The following IHO1 variants were observed in gnomAD, a reference collection of about 807,000 sequenced individuals.
IHO1 encodes the protein interactor of HORMAD1 protein 1.
IHO1 carries 13 observed loss-of-function variants against 31.0 expected under a neutral mutation model. That is an observed-to-expected ratio of 0.42 (90% confidence interval 0.27 to 0.67). IHO1 has a LOEUF of 0.67. Ranked by LOEUF, IHO1 falls within the 30% of genes least tolerant of loss-of-function variation. IHO1 has a pLI of 0.24. For synonymous variants in IHO1, 221 were observed against 248.4 expected (o/e 0.89, Z 1.04); for missense variants, 599 against 687.5 (o/e 0.87, Z 1.44).
chr3:49,250,800 G>A (rs894910179), intron 6 of IHO1, among the ~76,000 whole-genome samples: 1 of 152,100 alleles, frequency 6.6e-6, no homozygotes, highest in Non-Finnish European at 1.5e-5. Context: ...GGGAGGCCGA[G>A]GCGGGCAGAT....
At chr3:49,222,404 C>G (rs2046364464) in intron 2 of IHO1, among the ~76,000 whole-genome samples, 2 of 151,876 alleles carry the variant, frequency 1.3e-5, no homozygotes, top group Non-Finnish European at 2.9e-5. Flanking sequence ...GATAGATAGG[C>G]AAAGAGTAAA....
chr3:49,219,855 T>G (rs1026143630), intron 2 of IHO1, among the ~76,000 whole-genome samples: 2 of 152,128 alleles, frequency 1.3e-5, no homozygotes, highest in African/African-American at 2.4e-5. Context: ...ATACTAATGA[T>G]GAGGAGGAAG....
At chr3:49,205,675 A>T (rs2046126885) in intron 1 of IHO1, among the ~76,000 whole-genome samples, 1 of 148,704 alleles carries the variant, frequency 6.7e-6, no homozygotes, top group African/African-American at 2.5e-5. Context: ...ATCTCAGCTC[A>T]TTGCAGCCTC....
intron 2 of IHO1, among the ~76,000 whole-genome samples, chr3:49,231,574 CAATT>C (rs1200958354): frequency 2.0e-5 from 3 of 152,194 alleles, no homozygotes. Flanking sequence ...TCATTCCACA[CAATT>C]AATTGAAAAT....
Position 49,257,190 on chromosome 3 carries a change from C to T in IHO1, c.1693C>T (p.Leu565Phe). Residue 565 changes from leucine (L) to phenylalanine (F), a missense_variant, in exon 8 of 8, where the codon CTC becomes TTC. Coordinates refer to ENST00000452691, the MANE Select transcript of IHO1 (RefSeq NM_001135197.2). ...GATGAGCTGGTTCAGTGACCTCAAT[C>T]TCGGATGTTCAGAGACCCCTCTATG... ...HQMSWFSDLN[L>F]GCSETPLCKE... is the part of the protein sequence containing the mutation. The T allele has an allele frequency of 3.1e-6, 5 of 1,614,232 alleles. No homozygotes were observed. Among genetic ancestry groups the T allele is most frequent in the Non-Finnish European group, 4.2e-6 (5 of 1,180,042 alleles).
chr3:49,228,089 T>C (rs1279143967), intron 2 of IHO1, among the ~76,000 whole-genome samples: 1 of 151,406 alleles, frequency 6.6e-6, no homozygotes, highest in Non-Finnish European at 1.5e-5. Flanking sequence ...AGAAGAGAGG[T>C]GAGAGAAAGT....
chr3:49,217,557 G>T (rs2046304330), intron 2 of IHO1, among the ~76,000 whole-genome samples: 1 of 151,440 alleles, frequency 6.6e-6, no homozygotes, highest in Non-Finnish European at 1.5e-5. Context: ...AGGAGTTGAT[G>T]GGTGCAGCAA....
At chr3:49,255,554 G>C in intron 7 of IHO1, 61 bp downstream of exon 7, 197 of 604,892 alleles carry the variant, frequency 3.3e-4, no homozygotes, top group Non-Finnish European at 4.6e-4. Flanking sequence ...GACCCAGAGA[G>C]AAACTTTTTT....
At chr3:49,200,625 CCCTG>C (rs1289360994) in intron 1 of IHO1, 1 of 964,714 alleles carries the variant, frequency 1.0e-6, no homozygotes, top group East Asian at 1.1e-4. Context: ...TGTGTACCCA[CCCTG>C]CCAGGGCCCT....
chr3:49,211,917 C>G, intron 2 of IHO1, 81 bp downstream of exon 2: 1 of 804,320 alleles, frequency 1.2e-6, no homozygotes, highest in Non-Finnish European at 2.2e-6. Flanking sequence ...AATCCCAGCA[C>G]TTTGGGAGGC....
the IHO1 span, among the ~76,000 whole-genome samples, chr3:49,192,587 G>A: frequency 1.3e-5 from 2 of 152,064 alleles, no homozygotes; most frequent in African/African-American, 2.4e-5. Context: ...CCTCTCATGC[G>A]AACTCACAGG....
rs376090063 is a variant in IHO1 at position 49,211,885 on chromosome 3, G to A, written c.56+49G>A. On this transcript the variant is annotated intron_variant, in intron 2 of 7. Transcript: ENST00000452691. ...TGATCCTTAAGAGGATTTTCTGGCC[G>A]GGCATGATGGCTCACACCTGTAATC... 30 of 1,083,866 alleles carry A rather than the reference G, an allele frequency of 2.8e-5. No individual in the cohort carries two copies. The African/African-American group carries it at 3.0e-4, about 11-fold the overall frequency. 67.1% of individuals were successfully genotyped at this position (1,083,866 alleles called of 1,614,324 possible). A position where few individuals can be genotyped will look rare whatever the true frequency, so the allele number is the denominator to read the frequency against.
upstream of IHO1, among the ~76,000 whole-genome samples, chr3:49,194,618 T>C (rs545237444): frequency 1.4e-5 from 2 of 144,886 alleles, no homozygotes; most frequent in African/African-American, 5.0e-5. Context: ...AAAATCGGCA[T>C]GGCATGGTGG....
chr3:49,207,843 G>A (rs1032571811), intron 1 of IHO1, among the ~76,000 whole-genome samples: 9 of 151,236 alleles, frequency 6.0e-5, no homozygotes, highest in Non-Finnish European at 1.5e-5. Flanking sequence ...GTGCGATCGC[G>A]GTTCACTGCA....
chr3:49,210,648 C>T (rs2107685530), intron 1 of IHO1, among the ~76,000 whole-genome samples: 1 of 151,518 alleles, frequency 6.6e-6, no homozygotes, highest in African/African-American at 2.4e-5. Context: ...ATCCACCTGC[C>T]TCTGCTTCCC....
chr3:49,234,437 C>T (rs1398226600), intron 2 of IHO1, among the ~76,000 whole-genome samples: 2 of 151,896 alleles, frequency 1.3e-5, no homozygotes, highest in Non-Finnish European at 2.9e-5. Flanking sequence ...ACCTCGGCCT[C>T]CCAAAGTGCT....
In IHO1 at chr3:49,200,533, C is replaced by T. The variant is rs150760522; in HGVS notation, c.-16+960C>T. The T allele has an allele frequency of 9.3e-3, 8,679 of 934,628 alleles. 89 individuals are homozygous for T. Among genetic ancestry groups the T allele is most frequent in the Non-Finnish European group, 0.01 (8,066 of 799,952 alleles). 57.9% of individuals were successfully genotyped at this position (934,628 alleles called of 1,614,324 possible). A position where few individuals can be genotyped will look rare whatever the true frequency, so the allele number is the denominator to read the frequency against. ...AAAGAAAGAAAAGAAAAAAGATTGTCGCAGTAGAGTTGACGACGGTGGTCA... is the reference window on the plus strand; with the variant it reads ...AAAGAAAGAAAAGAAAAAAGATTGTTGCAGTAGAGTTGACGACGGTGGTCA... On this transcript the variant is annotated intron_variant, in intron 1 of 7. Coordinates refer to ENST00000452691, the MANE Select transcript of IHO1 (RefSeq NM_001135197.2).
chr3:49,257,025 A>T lies in IHO1; in HGVS notation c.1528A>T (p.Lys510Ter). ...TCTGCAGTGTCCCAGGAGCCCCAGAAAACCAGTCTGCCCTATTCTGGGAGG... is the reference window on the plus strand; with the variant it reads ...TCTGCAGTGTCCCAGGAGCCCCAGATAACCAGTCTGCCCTATTCTGGGAGG... ...LHLQCPRSPR[K>*]PVCPILGGTV... is the part of the protein sequence containing the mutation. Residue 510 changes from lysine to a stop codon, truncating the protein, a stop_gained, in exon 8 of 8, where the codon AAA becomes TAA. Coordinates refer to ENST00000452691, the MANE Select transcript of IHO1 (RefSeq NM_001135197.2). LOFTEE classifies it low-confidence loss of function (END_TRUNC). 1 of 1,614,208 alleles carries T rather than the reference A, an allele frequency of 6.2e-7. No homozygotes were observed. Among genetic ancestry groups the T allele is most frequent in the Non-Finnish European group, 8.5e-7 (1 of 1,180,012 alleles).
At chr3:49,214,609 T>TATATATATATATATATATAC (rs1553616588) in intron 2 of IHO1, among the ~76,000 whole-genome samples, 2 of 23,908 alleles carry the variant, frequency 8.4e-5, no homozygotes, top group African/African-American at 1.5e-4. Context: ...TTCTAGATCA[T>TATATATATATATATATATAC]ATATATATAT....
Sources: gnomAD v4.1 joint callset for allele counts (sites outside exome capture counted in the v4.1 genomes callset) on GRCh38, gnomAD v4.1.1 for gene constraint, MANE v1.5 for transcripts, NCBI Gene and HGNC (gene_info 2026-07-23, HGNC 2026-07-21) for gene names.